GRB2: variants seen among roughly 807,000 people sequenced by gnomAD.
GRB2 encodes the protein growth factor receptor bound protein 2, also known as growth factor receptor-bound protein 2.
Under a neutral mutation model 27.4 loss-of-function variants are expected in GRB2, and 2 were observed. The ratio of observed to expected loss-of-function variants is 0.07; its 90% CI spans 0.03 to 0.23. GRB2 has a LOEUF of 0.23. Ranked by LOEUF, GRB2 falls within the 10% of genes least tolerant of loss-of-function variation. GRB2 has a pLI of 1.00. For synonymous variants in GRB2, 94 were observed against 99.6 expected, an observed-to-expected ratio of 0.94 and a Z score of 0.33; for missense variants, 102 against 282.4, an observed-to-expected ratio of 0.36 and a Z score of 4.58.
chr17:75,342,102 C>A (rs550834289), intron 2 of GRB2, among the ~76,000 whole-genome samples: 1 of 152,276 alleles, frequency 6.6e-6, no homozygotes, highest in South Asian at 2.1e-4. Flanking sequence ...CAGTTCAGAG[C>A]TTACAACCAC....
At chr17:75,369,833 C>G (rs1434895237) in intron 2 of GRB2, among the ~76,000 whole-genome samples, 1 of 147,942 alleles carries the variant, frequency 6.8e-6, no homozygotes, top group African/African-American at 2.4e-5. Context: ...GCACTCCAGC[C>G]TGGGCAACAG....
intron 2 of GRB2, among the ~76,000 whole-genome samples, chr17:75,385,531 C>T (rs2078958506): frequency 6.6e-6 from 1 of 151,942 alleles, no homozygotes; most frequent in Admixed American, 6.6e-5. Context: ...GAGTGAAACT[C>T]CATCTCGAAA....
chr17:75,383,584 C>T (rs1175921868), intron 2 of GRB2, among the ~76,000 whole-genome samples: 1 of 152,210 alleles, frequency 6.6e-6, no homozygotes, highest in Non-Finnish European at 1.5e-5. Flanking sequence ...TGGCTCACGC[C>T]TGTAATCCCA....
At chr17:75,330,811 G>A (rs1233421818) in intron 3 of GRB2, among the ~76,000 whole-genome samples, 1 of 152,060 alleles carries the variant, frequency 6.6e-6, no homozygotes, top group Non-Finnish European at 1.5e-5. Flanking sequence ...ACTACATCCC[G>A]TAGGCTCCCA....
At chr17:75,333,346 G>T (rs1279768820) in intron 2 of GRB2, among the ~76,000 whole-genome samples, 1 of 152,170 alleles carries the variant, frequency 6.6e-6, no homozygotes, top group East Asian at 1.9e-4. Flanking sequence ...AAATTGCTGG[G>T]ATTATAGGTG....
chr17:75,321,584 C>G, intron 5 of GRB2, 75 bp downstream of exon 5: 1 of 1,406,720 alleles, frequency 7.1e-7, no homozygotes. Flanking sequence ...GGGCGCCTCC[C>G]CTTTCCTACA....
intron 2 of GRB2, among the ~76,000 whole-genome samples, chr17:75,343,896 T>C (rs2078638259): frequency 6.6e-6 from 1 of 151,816 alleles, no homozygotes; most frequent in Admixed American, 6.6e-5. Flanking sequence ...TCAAGAAAAA[T>C]CTGTGTATTT....
chr17:75,323,279 A>C (rs1374970758), intron 4 of GRB2, among the ~76,000 whole-genome samples: 1 of 152,140 alleles, frequency 6.6e-6, no homozygotes, highest in African/African-American at 2.4e-5. Context: ...GCCACTCAGC[A>C]CAAGATGCCT....
At chr17:75,373,718 T>C (rs2078870758) in intron 2 of GRB2, 1 of 151,974 alleles carries the variant, frequency 6.6e-6, no homozygotes, top group South Asian at 2.1e-4. Context: ...CTGCTTAGTA[T>C]CAACCTTAGC....
At position 75,318,243 on chromosome 17, in the gene GRB2, C is replaced by T. The variant is rs2078429456; in HGVS notation, c.*2125G>A. On this transcript the variant is annotated 3_prime_UTR_variant, in exon 6 of 6. Coordinates refer to ENST00000316804, the MANE Select transcript of GRB2 (RefSeq NM_002086.5). ...CAAGGCTTCATGATATACACCAATT[C>T]CAAAATAAAACAATCAAATGGTCCA... 1.3e-5 allele frequency: 2 copies of T among 152,122 alleles called. No homozygotes were observed. The highest frequency in any genetic ancestry group is 2.4e-5 in the African/African-American group (1 of 41,386). 9.4% of individuals were successfully genotyped at this position (152,122 alleles called of 1,614,324 possible).
chr17:75,329,072 T>C lies in GRB2; in HGVS notation c.177-3052A>G, dbSNP rs183167778. Among the ~76,000 whole-genome samples the C allele has an allele frequency of 3.0e-3, 457 of 152,238 alleles. 5 individuals carry two copies. The highest frequency in any genetic ancestry group is 0.011 in the African/African-American group (441 of 41,532). ...GGGGGCCCTGGGTTTCTAATATAAGTGTATGCAGCATGCATCTGACTGGGT... is the reference window on the plus strand; with the variant it reads ...GGGGGCCCTGGGTTTCTAATATAAGCGTATGCAGCATGCATCTGACTGGGT... On this transcript the variant is annotated intron_variant, in intron 3 of 5. Coordinates refer to ENST00000316804, the MANE Select transcript of GRB2 (RefSeq NM_002086.5).
chr17:75,383,065 G>A (rs1391469298), intron 2 of GRB2, among the ~76,000 whole-genome samples: 8 of 151,706 alleles, frequency 5.3e-5, no homozygotes, highest in Non-Finnish European at 1.2e-4. Flanking sequence ...TCTCATTATT[G>A]AGACTAGAGA....
Position 75,386,732 on chromosome 17 carries a change from G to A in GRB2, c.78+6819C>T, listed in dbSNP as rs114029176. On this transcript the variant is annotated intron_variant, in intron 2 of 5. Coordinates refer to ENST00000316804, the MANE Select transcript of GRB2 (RefSeq NM_002086.5). ...GGTCTACTCATACCTGGACAGTTAAGAGGGGTATCCATGTATTGTGATGGG... is the reference window on the plus strand; with the variant it reads ...GGTCTACTCATACCTGGACAGTTAAAAGGGGTATCCATGTATTGTGATGGG... Among the ~76,000 whole-genome samples, 674 of 152,338 alleles carry A rather than the reference G, an allele frequency of 4.4e-3. 8 individuals are homozygous for A. Among genetic ancestry groups the A allele is most frequent in the African/African-American group, 0.015 (632 of 41,584 alleles).
At chr17:75,354,909 A>G (rs1397418273) in intron 2 of GRB2, among the ~76,000 whole-genome samples, 1 of 152,190 alleles carries the variant, frequency 6.6e-6, no homozygotes, top group Admixed American at 6.5e-5. Context: ...CATGCTTGTA[A>G]TCTCAGCACT....
chr17:75,322,138 C>T (rs917719698), intron 4 of GRB2, among the ~76,000 whole-genome samples: 1 of 152,114 alleles, frequency 6.6e-6, no homozygotes, highest in Admixed American at 6.6e-5. Flanking sequence ...CTTTGGAGGC[C>T]GTGGTGGGCA....
At chr17:75,370,566 T>C (rs1238717716) in intron 2 of GRB2, among the ~76,000 whole-genome samples, 1 of 152,178 alleles carries the variant, frequency 6.6e-6, no homozygotes, top group African/African-American at 2.4e-5. Context: ...AACAGCTGTT[T>C]GTTAAGCCAA....
chr17:75,329,493 A>C (rs1226648188), intron 3 of GRB2, among the ~76,000 whole-genome samples: 2 of 152,134 alleles, frequency 1.3e-5, no homozygotes, highest in African/African-American at 4.8e-5. Flanking sequence ...AAAAAAATAA[A>C]TTGTAGTGAA....
rs2078452735 is a variant in GRB2, at chr17:75,320,689, C to T, written c.469-136G>A. The T allele has an allele frequency of 4.7e-6, 3 of 642,612 alleles. No individual in the cohort carries two copies. Among genetic ancestry groups the T allele is most frequent in the Non-Finnish European group, 5.5e-6 (2 of 360,932 alleles). The allele number at this position is 642,612 out of a possible 1,614,324, so 39.8% of individuals were successfully genotyped here. A position where few individuals can be genotyped will look rare whatever the true frequency, so the allele number is the denominator to read the frequency against. ...TTTCTTAAACTCACCTCCCATCTCC[C>T]AACCCCCCGTTTATTCTTACCTATT... On this transcript the variant is annotated intron_variant, in intron 5 of 5. Transcript: ENST00000316804. The surrounding 1 kb of genome is among the most constrained non-coding windows in gnomAD (Gnocchi z 4.3).
intron 2 of GRB2, among the ~76,000 whole-genome samples, chr17:75,378,119 C>CG (rs1491175283): frequency 6.6e-6 from 1 of 151,856 alleles, no homozygotes; most frequent in Non-Finnish European, 1.5e-5. Flanking sequence ...GGTGCAGTGG[C>CG]TCACGCCTGT....
Sources: gnomAD v4.1 joint callset for allele counts (sites outside exome capture counted in the v4.1 genomes callset) on GRCh38, gnomAD v4.1.1 for gene constraint, Gnocchi (gnomAD v3.1) non-coding constraint, MANE v1.5 for transcripts, NCBI Gene and HGNC (gene_info 2026-07-23, HGNC 2026-07-21) for gene names.